RANBP2: variants seen among roughly 807,000 people sequenced by gnomAD.
RANBP2 encodes RAN binding protein 2, also known as E3 SUMO-protein ligase RanBP2.
RANBP2 carries 57 observed loss-of-function variants against 303.6 expected under a neutral mutation model. That is an observed-to-expected ratio of 0.19 (90% confidence interval 0.15 to 0.23). The LOEUF (loss-of-function observed/expected upper bound fraction) is 0.23, where lower values mean the gene tolerates loss of function less well. RANBP2 is among the 10% of genes least tolerant of loss of function. The pLI is 1.00. For missense variants in RANBP2, 3,138 were observed against 3,780.8 expected (o/e 0.83, Z 4.46); for synonymous variants, 1,167 against 1,301.5 (o/e 0.90, Z 2.23).
rs369833909 is a variant in RANBP2, at chr2:108,740,685, A to T, written c.975+4A>T. ...GTGCTATCTCATAGCATTTCAGGTA[A>T]GTCTTCCACTTGTAGGAGCAATTGA... On this transcript the variant is annotated splice_donor_region_variant and intron_variant, in intron 7 of 28. Transcript: ENST00000283195. 6.3e-7 allele frequency: 1 copy of T among 1,597,492 alleles called. No individual in the cohort carries two copies. The highest frequency in any genetic ancestry group is 8.5e-7 in the Non-Finnish European group (1 of 1,179,758).
the RANBP2 span, among the ~76,000 whole-genome samples, chr2:109,267,923 C>G: frequency 3.9e-5 from 6 of 152,056 alleles, no homozygotes; most frequent in Admixed American, 2.0e-4. Context: ...TCCTGGGCCC[C>G]TGGACAGGAC....
chr2:109,422,259 C>G, the RANBP2 span, among the ~76,000 whole-genome samples: 4 of 152,224 alleles, frequency 2.6e-5, no homozygotes, highest in Non-Finnish European at 4.4e-5. Context: ...GGGACTCCAG[C>G]CAGGGCCCAG....
chr2:108,734,531 G>A (rs1695413712), intron 4 of RANBP2, among the ~76,000 whole-genome samples: 1 of 151,686 alleles, frequency 6.6e-6, no homozygotes, highest in Non-Finnish European at 1.5e-5. Flanking sequence ...GGATCTGTAA[G>A]CAAACAGTAA....
chr2:109,445,939 G>A, the RANBP2 span, among the ~76,000 whole-genome samples: 1 of 152,124 alleles, frequency 6.6e-6, no homozygotes, highest in African/African-American at 2.4e-5. Context: ...CACAGTCCTT[G>A]GAAGCTGCAG....
chr2:109,463,996 G>T, the RANBP2 span, among the ~76,000 whole-genome samples: 551 of 152,228 alleles, frequency 3.6e-3, 8 homozygotes, highest in South Asian at 0.047. Flanking sequence ...ATAGACCCTC[G>T]CTCGGGAGGG....
the RANBP2 span, among the ~76,000 whole-genome samples, chr2:109,297,069 G>C: frequency 6.6e-6 from 1 of 152,038 alleles, no homozygotes; most frequent in Non-Finnish European, 1.5e-5. Context: ...GACTGCAGCT[G>C]TTGGTCCAGG....
At chr2:108,930,515 G>T in the RANBP2 span, among the ~76,000 whole-genome samples, 1 of 152,114 alleles carries the variant, frequency 6.6e-6, no homozygotes. Context: ...CCTGCTCTGA[G>T]TTCTCCTCAT....
chr2:109,686,784 T>C, the RANBP2 span, among the ~76,000 whole-genome samples: 2 of 152,136 alleles, frequency 1.3e-5, no homozygotes, highest in Non-Finnish European at 2.9e-5. Context: ...GATAACTTAC[T>C]GTATTTTTTG....
chr2:109,572,039 T>C, the RANBP2 span, among the ~76,000 whole-genome samples: 1 of 152,238 alleles, frequency 6.6e-6, no homozygotes, highest in Non-Finnish European at 1.5e-5. Flanking sequence ...AGGTGCTTCA[T>C]ATATGCCAGG....
the RANBP2 span, among the ~76,000 whole-genome samples, chr2:109,442,469 C>A: frequency 6.6e-6 from 1 of 152,042 alleles, no homozygotes; most frequent in Non-Finnish European, 1.5e-5. Flanking sequence ...AAGATGTTTT[C>A]TTATTATTTG....
chr2:109,079,988 A>G, the RANBP2 span, among the ~76,000 whole-genome samples: 1 of 152,194 alleles, frequency 6.6e-6, no homozygotes, highest in East Asian at 1.9e-4. Context: ...GGGACGACAG[A>G]AAGACAGCAA....
the RANBP2 span, among the ~76,000 whole-genome samples, chr2:109,709,601 T>C: frequency 2.6e-5 from 4 of 152,130 alleles, no homozygotes; most frequent in Non-Finnish European, 5.9e-5. Flanking sequence ...ACCTACCTTG[T>C]AGGGTTGTAA....
chr2:109,031,359 G>A, the RANBP2 span, among the ~76,000 whole-genome samples: 9,821 of 152,188 alleles, frequency 0.065, 353 homozygotes, highest in East Asian at 0.095. Context: ...CAGAAGGAGC[G>A]GAAGGGAGGA....
At chr2:109,126,239 G>A in the RANBP2 span, among the ~76,000 whole-genome samples, 2 of 152,188 alleles carry the variant, frequency 1.3e-5, no homozygotes, top group Non-Finnish European at 2.9e-5. Context: ...TGTGGGTGCT[G>A]GTTATGGCAG....
chr2:109,282,838 G>A, the RANBP2 span, among the ~76,000 whole-genome samples: 6 of 152,288 alleles, frequency 3.9e-5, no homozygotes, highest in East Asian at 9.7e-4. Flanking sequence ...GAGGTGGAGG[G>A]GTAATGGTCC....
chr2:108,970,448 G>C, the RANBP2 span, among the ~76,000 whole-genome samples: 1 of 152,152 alleles, frequency 6.6e-6, no homozygotes, highest in Non-Finnish European at 1.5e-5. Context: ...GGAGGATCCT[G>C]ACATTGCCTT....
At chr2:109,459,386 G>A in the RANBP2 span, among the ~76,000 whole-genome samples, 4 of 152,162 alleles carry the variant, frequency 2.6e-5, no homozygotes, top group South Asian at 4.1e-4. Flanking sequence ...TTCAGAAAGC[G>A]CCTCATCTGG....
chr2:108,906,662 T>C, the RANBP2 span, among the ~76,000 whole-genome samples: 5 of 152,238 alleles, frequency 3.3e-5, no homozygotes, highest in Admixed American at 1.3e-4. Context: ...AAGATGACCA[T>C]GGGGACCCCC....
the RANBP2 span, among the ~76,000 whole-genome samples, chr2:109,249,220 C>T: frequency 6.6e-6 from 1 of 152,228 alleles, no homozygotes; most frequent in Non-Finnish European, 1.5e-5. Context: ...GCAACTCCCC[C>T]CCGACTCCTA....
Sources: gnomAD v4.1 joint callset for allele counts (sites outside exome capture counted in the v4.1 genomes callset) on GRCh38, gnomAD v4.1.1 for gene constraint, MANE v1.5 for transcripts, NCBI Gene and HGNC (gene_info 2026-07-23, HGNC 2026-07-21) for gene names.